MUC12: variants seen among roughly 807,000 people sequenced by gnomAD.
MUC12 encodes mucin-12.
A neutral mutation model predicts 230.8 loss-of-function variants in MUC12; 172 were observed. That is an observed-to-expected ratio of 0.75 (90% CI 0.66 to 0.85). The LOEUF (loss-of-function observed/expected upper bound fraction) is 0.85. Among genes scored for constraint, MUC12 ranks in the 40% least tolerant of loss-of-function variants. The probability of loss-of-function intolerance (pLI) is 0.00; values close to 1 mark genes in which losing one functional copy is unlikely to be tolerated. For missense variants in MUC12, 3,506 were observed against 5,920.6 expected, an observed-to-expected ratio of 0.59 and a Z score of 13.38; for synonymous variants, 1,259 against 2,401.9, an observed-to-expected ratio of 0.52 and a Z score of 13.91.
chr7:101,010,171 G>C (rs1047814749), intron 5 of MUC12, among the ~76,000 whole-genome samples: 1 of 152,110 alleles, frequency 6.6e-6, no homozygotes, highest in African/African-American at 2.4e-5. Context: ...ATTTCTGGGC[G>C]GCTGGAGGTG....
intron 1 of MUC12, among the ~76,000 whole-genome samples, chr7:100,985,207 G>A (rs1793170327): frequency 6.6e-6 from 1 of 152,164 alleles, no homozygotes; most frequent in Admixed American, 6.5e-5. Context: ...GGGGGAGCCA[G>A]TGAGTCAGGA....
At chr7:100,988,188 C>G (rs1318632110) in intron 1 of MUC12, among the ~76,000 whole-genome samples, 1 of 148,800 alleles carries the variant, frequency 6.7e-6, no homozygotes, top group Non-Finnish European at 1.5e-5. Flanking sequence ...ATCCCAGCTA[C>G]TCAGGAGGCT....
chr7:100,993,606 G>A lies in MUC12; in HGVS notation c.3043G>A (p.Val1015Ile), dbSNP rs1455511807. 1 of 945,610 alleles carries A rather than the reference G, an allele frequency of 1.1e-6. No homozygotes were observed. Among genetic ancestry groups the A allele is most frequent in the Admixed American group, 2.5e-5 (1 of 40,728 alleles). 58.6% of individuals were successfully genotyped at this position (945,610 alleles called of 1,614,324 possible). A position where few individuals can be genotyped will look rare whatever the true frequency, so the allele number is the denominator to read the frequency against. Reference protein sequence around the residue: ...PSPPSTATAPVEESTTYHRSP... With the variant: ...PSPPSTATAPIEESTTYHRSP... ...ACCTCCTAGCACCGCAACAGCCCCT[G>A]TTGAAGAATCTACAACCTACCACCG... Residue 1015 changes from valine to isoleucine, a missense_variant, in exon 2 of 12, where the codon GTT becomes ATT. Coordinates refer to ENST00000536621, the MANE Select transcript of MUC12 (RefSeq NM_001164462.2).
At position 101,006,535 on chromosome 7, in the gene MUC12, T is replaced by C; in HGVS notation, c.15021T>C (p.Gly5007=). ...GCGTCTGTCCCCAAGGCTACGTTGGTTACCAGTGCTTGTCCCCTCTGGAAT... is the reference window on the plus strand; with the variant it reads ...GCGTCTGTCCCCAAGGCTACGTTGGCTACCAGTGCTTGTCCCCTCTGGAAT... ...KQCVCPQGYV[G]YQCLSPLESF... is the part of the protein sequence containing the mutation. Residue 5007 remains glycine, a synonymous_variant, in exon 3 of 12, where the codon GGT becomes GGC. Transcript: ENST00000536621. 6.5e-7 allele frequency: 1 copy of C among 1,537,218 alleles called. No homozygotes were observed. Among genetic ancestry groups the C allele is most frequent in the Non-Finnish European group, 8.7e-7 (1 of 1,146,894 alleles).
rs1793304846 is a variant in MUC12 at position 100,991,591 on chromosome 7, C to CACCCCCACG, written c.1036_1037insGACCCCCAC (p.Pro345_Pro346insArgProPro). ...AGCAGCCCAGTTGCAACTGCAACAA[C>CACCCCCACG]ACCCCCACCTGCCCGCTCCGCGACC... On this transcript the variant is annotated inframe_insertion, in exon 2 of 12. Transcript: ENST00000536621. 6.5e-7 allele frequency: 1 copy of CACCCCCACG among 1,536,954 alleles called. No homozygotes were observed.
intron 1 of MUC12, among the ~76,000 whole-genome samples, chr7:100,970,603 C>A (rs1307960681): frequency 6.6e-6 from 1 of 152,046 alleles, no homozygotes; most frequent in African/African-American, 2.4e-5. Flanking sequence ...CTGCCAGTTG[C>A]AGGGTCTCGC....
chr7:101,014,401 G>A (rs1270246316), intron 9 of MUC12: 1 of 217,654 alleles, frequency 4.6e-6, no homozygotes, highest in Non-Finnish European at 9.1e-6. Context: ...CATCTGGTGA[G>A]GACTTTCTTG....
At chr7:100,979,896 G>A (rs1303712197) in intron 1 of MUC12, among the ~76,000 whole-genome samples, 1 of 151,988 alleles carries the variant, frequency 6.6e-6, no homozygotes, top group Non-Finnish European at 1.5e-5. Context: ...ACGAGGGGTG[G>A]TGGTGCAGGT....
Position 101,006,456 on chromosome 7 carries a change from T to C in MUC12, c.14957-15T>C. 1 of 1,521,910 alleles carries C rather than the reference T, an allele frequency of 6.6e-7. No individual in the cohort carries two copies. Among genetic ancestry groups the C allele is most frequent in the Non-Finnish European group, 8.8e-7 (1 of 1,132,946 alleles). The allele number at this position is 1,521,910 out of a possible 1,614,324, so 94.3% of individuals were successfully genotyped here. On this transcript the variant is annotated splice_polypyrimidine_tract_variant and intron_variant, in intron 2 of 11. Transcript: ENST00000536621. ...GGCTCCCACGGTGACTGCTGTGGAT[T>C]CTATCTCTCCACAGGGTTGTGCCAG...
rs367914707 is a variant in MUC12, at chr7:100,995,602, C to T, written c.5039C>T (p.Thr1680Ile). Residue 1680 changes from threonine to isoleucine, a missense_variant, in exon 2 of 12, where the codon ACA (threonine) becomes ATA (isoleucine). Thr to Ile is a moderately conservative substitution (Grantham distance 89). Transcript: ENST00000536621. ...PHTTLSPAGS[T>I]TRQGESTTFQ... ...ACAACACTGTCCCCTGCCGGCTCTA[C>T]AACACGTCAGGGAGAATCTACCACC... is the stretch of plus-strand genomic sequence containing the variant. The T allele has an allele frequency of 2.0e-6, 3 of 1,536,888 alleles. No individual in the cohort carries two copies. The highest frequency in any genetic ancestry group is 2.6e-6 in the Non-Finnish European group (3 of 1,147,052).
chr7:100,987,179 G>A (rs759017065), intron 1 of MUC12, among the ~76,000 whole-genome samples: 48 of 146,684 alleles, frequency 3.3e-4, no homozygotes, highest in Non-Finnish European at 6.7e-4. Flanking sequence ...CGACTCTCCT[G>A]TCTCAGCCTC....
At chr7:100,985,193 G>T (rs1470409764) in intron 1 of MUC12, among the ~76,000 whole-genome samples, 1 of 152,132 alleles carries the variant, frequency 6.6e-6, no homozygotes, top group Non-Finnish European at 1.5e-5. Context: ...TAACTTGGTG[G>T]GTTGGGGGAG....
chr7:100,977,523 G>T (rs542352923), intron 1 of MUC12, among the ~76,000 whole-genome samples: 1 of 151,916 alleles, frequency 6.6e-6, no homozygotes, highest in Non-Finnish European at 1.5e-5. Flanking sequence ...GCGCCACCAC[G>T]CCCGGCTAAG....
At chr7:100,969,876 AC>A (rs1408320828) in intron 1 of MUC12, among the ~76,000 whole-genome samples, 187 bp downstream of exon 1, 1 of 152,296 alleles carries the variant, frequency 6.6e-6, no homozygotes, top group African/African-American at 2.4e-5. Flanking sequence ...CACTGTGGAG[AC>A]CTGTGGGTGC....
Position 100,991,450 on chromosome 7 carries a change from C to T in MUC12, c.887C>T (p.Ser296Leu), listed in dbSNP as rs1307594351. The T allele has an allele frequency of 6.5e-7, 1 of 1,537,750 alleles. No individual in the cohort carries two copies. Among genetic ancestry groups the T allele is most frequent in the Admixed American group, 2.0e-5 (1 of 50,982 alleles). ...DTSPAPSGTTSAFVKLSTTYH... is the reference protein window; with the variant it reads ...DTSPAPSGTTLAFVKLSTTYH... The stretch of plus-strand genomic sequence containing the variant: ...TCGCCTGCACCTTCTGGTACCACAT[C>T]AGCCTTTGTTAAACTATCTACAACT... The change falls in exon 2 of 12, where the codon TCA becomes TTA. Residue 296 changes from serine (S) to leucine (L), a missense_variant. Physicochemically the swap from Ser to Leu is moderately radical, Grantham distance 145 (BLOSUM62 -2). Coordinates refer to ENST00000536621, the MANE Select transcript of MUC12 (RefSeq NM_001164462.2).
At chr7:100,977,960 G>A (rs1793057434) in intron 1 of MUC12, among the ~76,000 whole-genome samples, 1 of 152,102 alleles carries the variant, frequency 6.6e-6, no homozygotes, top group African/African-American at 2.4e-5. Context: ...CATCTTTCCT[G>A]TACGTCACAC....
Position 101,012,306 on chromosome 7 carries a change from A to G in MUC12, c.15262A>G (p.Ile5088Val), listed in dbSNP as rs1444383278. 6.5e-7 allele frequency: 1 copy of G among 1,537,078 alleles called. No homozygotes were observed. Among genetic ancestry groups the G allele is most frequent in the Non-Finnish European group, 8.7e-7 (1 of 1,146,894 alleles). Residue 5088 changes from isoleucine (I) to valine (V), a missense_variant, in exon 6 of 12, where the codon ATC (isoleucine) becomes GTC (valine). By Grantham distance (29) the Ile-to-Val change is conservative. Coordinates refer to ENST00000536621, the MANE Select transcript of MUC12 (RefSeq NM_001164462.2). ...VNIRRLLNGSIVVKNDVILEA... is the reference protein window; with the variant it reads ...VNIRRLLNGSVVVKNDVILEA... ...GATTCCCACTTCCAGCAACGGTAGC[A>G]TCGTGGTCAAGAACGATGTCATCCT...
chr7:100,991,667 T>G lies in MUC12; in HGVS notation c.1104T>G (p.Thr368=). 6.5e-7 allele frequency: 1 copy of G among 1,537,508 alleles called. No individual in the cohort carries two copies. The highest frequency in any genetic ancestry group is 8.7e-7 in the Non-Finnish European group (1 of 1,146,732). ...STAYHRSPGS[T]QTMHFPESST... is the part of the protein sequence containing the mutation. ...CCTACCACAGGAGCCCGGGCTCAAC[T>G]CAAACAATGCACTTCCCTGAAAGCT... Residue 368 remains threonine (T), a synonymous_variant, in exon 2 of 12, where the codon ACT becomes ACG. Coordinates refer to ENST00000536621, the MANE Select transcript of MUC12 (RefSeq NM_001164462.2).
At chr7:100,970,521 TAAAG>T (rs578235751) in intron 1 of MUC12, among the ~76,000 whole-genome samples, 23 of 90,542 alleles carry the variant, frequency 2.5e-4, no homozygotes, top group Non-Finnish European at 4.5e-4. Context: ...AAGAGAGAAA[TAAAG>T]AAAGAAGGAA....
Sources: gnomAD v4.1 joint callset for allele counts (sites outside exome capture counted in the v4.1 genomes callset) on GRCh38, gnomAD v4.1.1 for gene constraint, MANE v1.5 for transcripts, NCBI Gene and HGNC (gene_info 2026-07-23, HGNC 2026-07-21) for gene names.